LRRTM4: variants seen among roughly 807,000 people sequenced by gnomAD.
The protein encoded by LRRTM4 is leucine rich repeat transmembrane neuronal 4, also known as leucine-rich repeat transmembrane neuronal protein 4.
Under a neutral mutation model 47.6 loss-of-function variants are expected in LRRTM4, and 25 were observed. That is an observed-to-expected ratio of 0.53 (90% CI 0.38 to 0.73). The LOEUF (loss-of-function observed/expected upper bound fraction) is 0.73. LRRTM4 is among the 30% of genes least tolerant of loss of function. LRRTM4 has a pLI of 0.00. For synonymous variants in LRRTM4, 311 were observed against 269.5 expected (o/e 1.15, Z -1.51); for missense variants, 638 against 713.4 (o/e 0.89, Z 1.20).
rs566656290 is a variant in LRRTM4, at chr2:77,421,964, A to C, written c.1551+96354T>G. ...TCTATGTTTAGGTATGTTTAGATAC[A>C]CAAATATTTACCATTTTGTTATAAT... On this transcript the variant is annotated intron_variant, in intron 3 of 3. Transcript: ENST00000409884. Among the ~76,000 whole-genome samples, 16 of 152,312 alleles carry C rather than the reference A, an allele frequency of 1.1e-4. No individual in the cohort carries two copies. The South Asian group carries it at 3.3e-3, about 32-fold the overall frequency.
chr2:77,175,091 A>G (rs773041955), intron 3 of LRRTM4, among the ~76,000 whole-genome samples: 4 of 110,902 alleles, frequency 3.6e-5, no homozygotes, highest in Non-Finnish European at 5.2e-5. Flanking sequence ...TTTTTTTTTG[A>G]CACAGTCACA....
chr2:77,103,395 T>A (rs1671008227), intron 3 of LRRTM4, among the ~76,000 whole-genome samples: 1 of 152,106 alleles, frequency 6.6e-6, no homozygotes, highest in South Asian at 2.1e-4. Flanking sequence ...TCATAAAAGA[T>A]TAAAACAACT....
chr2:77,198,140 C>G (rs928278328), intron 3 of LRRTM4, among the ~76,000 whole-genome samples: 1 of 152,162 alleles, frequency 6.6e-6, no homozygotes. Flanking sequence ...CTGCTTTGAT[C>G]ACTGCATGTT....
chr2:77,193,557 C>A (rs1234653961), intron 3 of LRRTM4, among the ~76,000 whole-genome samples: 6 of 151,694 alleles, frequency 4.0e-5, no homozygotes, highest in Non-Finnish European at 7.4e-5. Flanking sequence ...CGCCTGTAAT[C>A]CCAGCACTTT....
intron 3 of LRRTM4, among the ~76,000 whole-genome samples, chr2:76,884,829 A>G (rs1673025571): frequency 2.0e-5 from 3 of 152,178 alleles, no homozygotes; most frequent in Admixed American, 1.3e-4. Context: ...GAATAAAAAT[A>G]TTCATCAGTG....
intron 3 of LRRTM4, among the ~76,000 whole-genome samples, chr2:77,065,816 G>A (rs950979740): frequency 2.0e-5 from 3 of 152,068 alleles, no homozygotes; most frequent in African/African-American, 7.2e-5. Flanking sequence ...TCATTTGCCT[G>A]GTTGACTTAA....
At chr2:76,881,629 T>C (rs1573250623) in intron 3 of LRRTM4, among the ~76,000 whole-genome samples, 1 of 152,106 alleles carries the variant, frequency 6.6e-6, no homozygotes, top group South Asian at 2.1e-4. Flanking sequence ...GAAAAAAAAC[T>C]GAACTACTTC....
intron 3 of LRRTM4, among the ~76,000 whole-genome samples, chr2:77,119,891 T>C (rs920086509): frequency 7.2e-5 from 11 of 151,796 alleles, no homozygotes; most frequent in African/African-American, 2.7e-4. Flanking sequence ...TAGGATGTAT[T>C]GTATCTGAAG....
intron 3 of LRRTM4, among the ~76,000 whole-genome samples, chr2:77,064,465 T>A (rs1345273463): frequency 6.6e-6 from 1 of 152,184 alleles, no homozygotes; most frequent in Admixed American, 6.5e-5. Flanking sequence ...TTCTTCCTCT[T>A]TGAGAGTTTC....
chr2:76,898,096 T>G (rs534607484), intron 3 of LRRTM4, among the ~76,000 whole-genome samples: 12 of 152,302 alleles, frequency 7.9e-5, no homozygotes, highest in African/African-American at 2.9e-4. Context: ...AAGTGAGTGG[T>G]AAGCCATCTA....
chr2:77,245,851 T>C (rs578230727), intron 3 of LRRTM4, among the ~76,000 whole-genome samples: 1 of 152,274 alleles, frequency 6.6e-6, no homozygotes, highest in South Asian at 2.1e-4. Flanking sequence ...TTATTCTCAC[T>C]CCAGTTTCAG....
intron 3 of LRRTM4, among the ~76,000 whole-genome samples, chr2:77,138,537 CAACTT>C (rs1037506518): frequency 1.1e-4 from 16 of 152,096 alleles, no homozygotes; most frequent in East Asian, 1.9e-4. Context: ...CTAAAATTGA[CAACTT>C]AACATCACAA....
intron 3 of LRRTM4, among the ~76,000 whole-genome samples, chr2:77,307,022 C>T (rs1302757926): frequency 2.0e-5 from 3 of 150,786 alleles, no homozygotes; most frequent in African/African-American, 7.4e-5. Flanking sequence ...GCCTCAGCCT[C>T]CCGCGTAGCT....
chr2:76,796,161 G>A (rs1675308187), intron 3 of LRRTM4, among the ~76,000 whole-genome samples: 3 of 144,406 alleles, frequency 2.1e-5, no homozygotes, highest in South Asian at 2.2e-4. Context: ...GGCTCGCAGG[G>A]TCCTACGCCC....
chr2:77,498,108 T>C (rs2104066866), intron 3 of LRRTM4, among the ~76,000 whole-genome samples: 1 of 151,990 alleles, frequency 6.6e-6, no homozygotes, highest in East Asian at 1.9e-4. Context: ...AAAAAAATAT[T>C]ATTTTCTTTT....
At chr2:77,231,163 C>T (rs903132939) in intron 3 of LRRTM4, among the ~76,000 whole-genome samples, 17 of 151,660 alleles carry the variant, frequency 1.1e-4, no homozygotes, top group Non-Finnish European at 2.2e-4. Flanking sequence ...TTAACTGAAG[C>T]CAAACCCATG....
Position 76,773,865 on chromosome 2 carries a change from G to A in LRRTM4, c.1552-24949C>T, listed in dbSNP as rs559037027. On this transcript the variant is annotated intron_variant, in intron 3 of 3. Transcript: ENST00000409884. ...ATAATGGTAGCAGAGGTTTGATCCT[G>A]GAATCAATAAATTTTATTTACCTGG... Among the ~76,000 whole-genome samples, 16 of 150,610 alleles carry A rather than the reference G, an allele frequency of 1.1e-4. 1 individual carries two copies. The highest frequency in any genetic ancestry group is 3.4e-4 in the African/African-American group (14 of 41,124).
At chr2:77,328,448 C>T (rs1314731367) in intron 3 of LRRTM4, among the ~76,000 whole-genome samples, 2 of 152,152 alleles carry the variant, frequency 1.3e-5, no homozygotes, top group African/African-American at 4.8e-5. Flanking sequence ...GGGAGATTTG[C>T]AGTCATGCCC....
At chr2:76,800,210 A>C (rs913747888) in intron 3 of LRRTM4, among the ~76,000 whole-genome samples, 2 of 147,212 alleles carry the variant, frequency 1.4e-5, no homozygotes, top group African/African-American at 5.2e-5. Flanking sequence ...CTATACTACA[A>C]GGCGACAGTG....
Sources: allele counts gnomAD v4.1 joint callset (sites outside exome capture counted in the v4.1 genomes callset), GRCh38; gene constraint gnomAD v4.1.1; transcripts MANE v1.5; gene names NCBI Gene and HGNC (gene_info 2026-07-23, HGNC 2026-07-21).